ATP13A1: variants seen among roughly 807,000 people sequenced by gnomAD.
The protein encoded by ATP13A1 is endoplasmic reticulum transmembrane helix translocase.
Under a neutral mutation model 134.8 loss-of-function variants are expected in ATP13A1, and 55 were observed. The observed-to-expected ratio is 0.41, with a 90% CI of 0.33 to 0.51. The LOEUF (loss-of-function observed/expected upper bound fraction) is 0.51. ATP13A1 is among the 20% of genes least tolerant of loss of function. The pLI is 0.29. For synonymous variants in ATP13A1, 775 were observed against 725.1 expected (o/e 1.07, Z -1.10); for missense variants, 1,389 against 1,652.8 (o/e 0.84, Z 2.77).
At chr19:19,662,470 TGTCC>T (rs1376167925) in intron 1 of ATP13A1, 1 of 702,212 alleles carries the variant, frequency 1.4e-6, no homozygotes, top group African/African-American at 1.9e-5. Flanking sequence ...TATACCTCAG[TGTCC>T]ATGGCTCCAA....
intron 3 of ATP13A1, 39 bp from the exon 4 acceptor site, chr19:19,657,447 G>T: frequency 6.5e-7 from 1 of 1,541,482 alleles, no homozygotes; most frequent in Non-Finnish European, 8.8e-7. Flanking sequence ...CCAGGGCAAG[G>T]CCTCTGGGGT....
intron 3 of ATP13A1, among the ~76,000 whole-genome samples, chr19:19,658,151 A>G (rs1214181296): frequency 2.7e-5 from 2 of 75,392 alleles, no homozygotes; most frequent in Admixed American, 2.5e-4. Flanking sequence ...CCTGTCTCCA[A>G]AAAAAAAAAA....
At position 19,647,722 on chromosome 19, in the gene ATP13A1, G is replaced by A. The variant is rs140566569; in HGVS notation, c.2670C>T (p.Val890=). The change falls in exon 20 of 26, where the codon GTC becomes GTT. Residue 890 remains valine (V), a synonymous_variant. Transcript: ENST00000357324. This position sits in a 1 kb window ranked among gnomAD's most constrained non-coding sequence, Gnocchi z 4.8. ...TGTCCCGGGGCCGCCGTCGCCGCTC[G>A]ACAACCCGCTCAGGGGCATTGGCCA... ...ALLANAPERV[V]ERRRRPRDSP... 960 of 1,606,868 alleles carry A rather than the reference G, an allele frequency of 6.0e-4. 12 individuals are homozygous for A. The East Asian group carries it at 0.018, about 30-fold the overall frequency.
At chr19:19,650,326 G>A (rs532362047) in intron 17 of ATP13A1, 6 of 223,320 alleles carry the variant, frequency 2.7e-5, no homozygotes, top group South Asian at 1.0e-4. Context: ...CCCTGCGCCC[G>A]TGGCCTCTCT....
chr19:19,659,310 G>C (rs1200630369), intron 3 of ATP13A1, among the ~76,000 whole-genome samples: 1 of 152,112 alleles, frequency 6.6e-6, no homozygotes, highest in Non-Finnish European at 1.5e-5. Context: ...ACAAAAATTA[G>C]CCAGGCGTGG....
chr19:19,652,589 C>A lies in ATP13A1; in HGVS notation c.2226+6G>T. ...GCAGAGGGTGGAGCCGAGCACCGTC[C>A]CATACCCGGTGGGACGCATTCTGGA... On this transcript the variant is annotated splice_donor_region_variant and intron_variant, in intron 16 of 25. Coordinates refer to ENST00000357324, the MANE Select transcript of ATP13A1 (RefSeq NM_020410.3). 1 of 1,607,090 alleles carries A rather than the reference C, an allele frequency of 6.2e-7. No individual in the cohort carries two copies. The highest frequency in any genetic ancestry group is 2.2e-5 in the East Asian group (1 of 44,656).
At chr19:19,651,629 G>C in intron 17 of ATP13A1, 60 bp downstream of exon 17, 1 of 1,372,152 alleles carries the variant, frequency 7.3e-7, no homozygotes, top group Non-Finnish European at 1.0e-6. Flanking sequence ...CTGTTGCGAT[G>C]GGAGCTGTTC....
chr19:19,663,084 G>A, intron 1 of ATP13A1, 187 bp downstream of exon 1: 1 of 835,492 alleles, frequency 1.2e-6, no homozygotes, highest in Non-Finnish European at 2.0e-6. Flanking sequence ...CCCGCACCAG[G>A]CATGCACAGC....
In ATP13A1 at chr19:19,656,159, C is replaced by A; in HGVS notation, c.1108G>T (p.Asp370Tyr). The change falls in exon 8 of 26, where the codon GAC becomes TAC. Residue 370 changes from aspartate to tyrosine, a missense_variant. Physicochemically the swap from Asp to Tyr is radical, Grantham distance 160 (BLOSUM62 -3). Around this residue, in one of 4 missense-constraint regions of ATP13A1, gnomAD observed 747 missense variants for 956.1 expected, o/e 0.78. Transcript: ENST00000357324. The surrounding 1 kb of genome is among the most constrained non-coding windows in gnomAD (Gnocchi z 4.6). ...MKEPIEDLSP[D>Y]RVLDLQADSR... ...TCAGCCTGGAGGTCCAGCACCCGGTCTGGGCTGAGGTCTTCGATGGGCTCC... is the reference window on the plus strand; with the variant it reads ...TCAGCCTGGAGGTCCAGCACCCGGTATGGGCTGAGGTCTTCGATGGGCTCC... 6.2e-7 allele frequency: 1 copy of A among 1,613,006 alleles called. No individual in the cohort carries two copies. Among genetic ancestry groups the A allele is most frequent in the South Asian group, 1.1e-5 (1 of 90,946 alleles).
chr19:19,656,615 G>A lies in ATP13A1; in HGVS notation c.1083+45C>T, dbSNP rs1568429125. On this transcript the variant is annotated intron_variant, in intron 7 of 25. Transcript: ENST00000357324. This position sits in a 1 kb window ranked among gnomAD's most constrained non-coding sequence, Gnocchi z 4.6. The stretch of plus-strand genomic sequence containing the variant: ...CCCCTGGGCCTCCACCTCCTGGCCT[G>A]TTTCCTCCTGAACAGCTTGAGGATC... 4 of 1,586,344 alleles carry A rather than the reference G, an allele frequency of 2.5e-6. No homozygotes were observed. Among genetic ancestry groups the A allele is most frequent in the Non-Finnish European group, 2.6e-6 (3 of 1,164,428 alleles).
chr19:19,655,464 A>G lies in ATP13A1; in HGVS notation c.1397-11T>C. The G allele has an allele frequency of 6.2e-7, 1 of 1,613,954 alleles. No homozygotes were observed. Among genetic ancestry groups the G allele is most frequent in the Non-Finnish European group, 8.5e-7 (1 of 1,179,850 alleles). On this transcript the variant is annotated splice_polypyrimidine_tract_variant and intron_variant, in intron 10 of 25. Transcript: ENST00000357324. The surrounding 1 kb of genome is among the most constrained non-coding windows in gnomAD (Gnocchi z 5.7). ...TGGGGTCCTTGGTACCTGTGGAGAC[A>G]GGGCCTGCCAACCTGGAGCCTCGGA...
chr19:19,655,912 G>A lies in ATP13A1; in HGVS notation c.1235C>T (p.Ala412Val), dbSNP rs1369450450. The A allele has an allele frequency of 1.3e-6, 2 of 1,599,268 alleles. No homozygotes were observed. The highest frequency in any genetic ancestry group is 1.3e-5 in the African/African-American group (1 of 74,808). ...GTTGAATCCGGTCCGCAGGACGTAG[G>A]CCACGCACCCGCTGTCAACCGCTGG... Reference protein sequence around the residue: ...GLKPVDSGCVAYVLRTGFNTS... With the variant: ...GLKPVDSGCVVYVLRTGFNTS... The change falls in exon 9 of 26, where the codon GCC (alanine) becomes GTC (valine). Residue 412 changes from alanine (A) to valine (V), a missense_variant. By Grantham distance (64) the Ala-to-Val change is moderately conservative. Coordinates refer to ENST00000357324, the MANE Select transcript of ATP13A1 (RefSeq NM_020410.3). This position sits in a 1 kb window ranked among gnomAD's most constrained non-coding sequence, Gnocchi z 5.7.
In ATP13A1 at chr19:19,657,168, T is replaced by C. The variant is rs1196114770; in HGVS notation, c.751-19A>G. 1 of 1,499,224 alleles carries C rather than the reference T, an allele frequency of 6.7e-7. No individual in the cohort carries two copies. Among genetic ancestry groups the C allele is most frequent in the Non-Finnish European group, 8.9e-7 (1 of 1,124,880 alleles). 92.9% of individuals were successfully genotyped at this position (1,499,224 alleles called of 1,614,324 possible). A position where few individuals can be genotyped will look rare whatever the true frequency, so the allele number is the denominator to read the frequency against. ...AGAACACCTGTGGGATACCAGCCTGTCTGTCCTTGCCCTACCCGCCCTGTT... is the reference window on the plus strand; with the variant it reads ...AGAACACCTGTGGGATACCAGCCTGCCTGTCCTTGCCCTACCCGCCCTGTT... On this transcript the variant is annotated intron_variant, in intron 4 of 25. Coordinates refer to ENST00000357324, the MANE Select transcript of ATP13A1 (RefSeq NM_020410.3).
At position 19,647,496 on chromosome 19, in the gene ATP13A1, C is replaced by T. The variant is rs1434991033; in HGVS notation, c.2826G>A (p.Glu942=). 17 of 1,613,036 alleles carry T rather than the reference C, an allele frequency of 1.1e-5. No homozygotes were observed. Among genetic ancestry groups the T allele is most frequent in the Non-Finnish European group, 1.3e-5 (15 of 1,179,548 alleles). Residue 942 remains glutamate (E), a synonymous_variant, in exon 21 of 26, where the codon GAG becomes GAA. Transcript: ENST00000357324. This position sits in a 1 kb window ranked among gnomAD's most constrained non-coding sequence, Gnocchi z 4.8. The part of the protein sequence containing the change: ...DRLSQVLRDL[E]DESTPIVKLG... ...GTTTCACAATGGGCGTACTCTCGTCCTCGAGGTCTCGCAGCACCTGGCTCA... is the reference window on the plus strand; with the variant it reads ...GTTTCACAATGGGCGTACTCTCGTCTTCGAGGTCTCGCAGCACCTGGCTCA...
chr19:19,652,778 T>C, intron 15 of ATP13A1, 58 bp from the exon 16 acceptor site: 5 of 1,546,392 alleles, frequency 3.2e-6, no homozygotes, highest in Non-Finnish European at 3.5e-6. Context: ...ACACTCTGCA[T>C]TTCCTGAGCT....
chr19:19,660,037 T>C, intron 1 of ATP13A1, 50 bp from the exon 2 acceptor site: 1 of 1,508,042 alleles, frequency 6.6e-7, no homozygotes, highest in Non-Finnish European at 8.9e-7. Flanking sequence ...CAACCTACAG[T>C]TCCAAGACCC....
chr19:19,652,201 C>A (rs1599430917), intron 16 of ATP13A1, among the ~76,000 whole-genome samples: 1 of 152,150 alleles, frequency 6.6e-6, no homozygotes, highest in African/African-American at 2.4e-5. Flanking sequence ...TCACTCACCC[C>A]TTACACCCTA....
At position 19,657,005 on chromosome 19, in the gene ATP13A1, G is replaced by A. The variant is rs1182597538; in HGVS notation, c.895C>T (p.His299Tyr). The A allele has an allele frequency of 1.9e-6, 3 of 1,589,240 alleles. No individual in the cohort carries two copies. The highest frequency in any genetic ancestry group is 2.6e-6 in the Non-Finnish European group (3 of 1,167,258). Reference sequence around the variant, plus strand: ...CCTGGCAGCCACACCTGGATCATGTGGGGCTTGTTGCCCATCTTCCGGATC... The same window carrying A: ...CCTGGCAGCCACACCTGGATCATGTAGGGCTTGTTGCCCATCTTCCGGATC... ...SEIRKMGNKP[H>Y]MIQVYRSRKW... Residue 299 changes from histidine to tyrosine, a missense_variant, in exon 5 of 26, where the codon CAC becomes TAC. Physicochemically the swap from His to Tyr is moderately conservative, Grantham distance 83 (BLOSUM62 2). This residue lies in a region of ATP13A1 where 747 missense variants were observed against 956.1 expected (regional missense o/e 0.78). Transcript: ENST00000357324.
Position 19,659,688 on chromosome 19 carries a change from C to T in ATP13A1, c.590G>A (p.Gly197Glu), listed in dbSNP as rs2145018897. The change falls in exon 3 of 26, where the codon GGA becomes GAA. Residue 197 changes from glycine (G) to glutamate (E), a missense_variant. Gly to Glu is a moderately conservative substitution (Grantham distance 98). This residue lies in a region of ATP13A1 where 747 missense variants were observed against 956.1 expected (regional missense o/e 0.78). Coordinates refer to ENST00000357324, the MANE Select transcript of ATP13A1 (RefSeq NM_020410.3). ...GCTCTGATAGTATGAGAAGGCGTTTCCCACAGGAAAGGCCACGGGGAGAAA... is the reference window on the plus strand; with the variant it reads ...GCTCTGATAGTATGAGAAGGCGTTTTCCACAGGAAAGGCCACGGGGAGAAA... Reference protein sequence around the residue: ...KQFLPVAFPVGNAFSYYQSNR... With the variant: ...KQFLPVAFPVENAFSYYQSNR... 6.2e-7 allele frequency: 1 copy of T among 1,613,948 alleles called. No homozygotes were observed. The highest frequency in any genetic ancestry group is 1.6e-4 in the Middle Eastern group (1 of 6,062).
Sources: gnomAD v4.1 joint callset for allele counts (sites outside exome capture counted in the v4.1 genomes callset) on GRCh38, gnomAD v4.1.1 for gene constraint, gnomAD v4.1.1 regional missense constraint, Gnocchi (gnomAD v3.1) non-coding constraint, MANE v1.5 for transcripts, NCBI Gene and HGNC (gene_info 2026-07-23, HGNC 2026-07-21) for gene names.